The following AMPD3 variants were observed in gnomAD, a reference collection of about 807,000 sequenced individuals.
The protein encoded by AMPD3 is adenosine monophosphate deaminase 3.
A neutral mutation model predicts 82.3 loss-of-function variants in AMPD3; 57 were observed. The observed-to-expected ratio is 0.69, with a 90% CI of 0.56 to 0.86. The LOEUF (loss-of-function observed/expected upper bound fraction) is 0.86. AMPD3 is among the 40% of genes least tolerant of loss of function. The pLI is 0.00. For synonymous variants in AMPD3, 381 were observed against 394.7 expected (o/e 0.97, Z 0.41); for missense variants, 870 against 1,003.8 (o/e 0.87, Z 1.80).
chr11:10,495,668 C>T lies in AMPD3; in HGVS notation c.1365C>T (p.Tyr455=). ...CTGAGGAGTGGCCCAACCTGGCCTA[C>T]TGGTTCATCCAGCACAAGGTCTACT... ...RSPEEWPNLA[Y]WFIQHKVYSP... The change falls in exon 9 of 15, where the codon TAC becomes TAT. Residue 455 remains tyrosine (Y), a synonymous_variant. Coordinates refer to ENST00000396553, the MANE Select transcript of AMPD3 (RefSeq NM_001025389.2). The T allele has an allele frequency of 6.2e-7, 1 of 1,614,158 alleles. No homozygotes were observed. Among genetic ancestry groups the T allele is most frequent in the Non-Finnish European group, 8.5e-7 (1 of 1,180,024 alleles).
chr11:10,487,387 C>T, intron 6 of AMPD3, 23 bp downstream of exon 6: 2 of 1,613,612 alleles, frequency 1.2e-6, no homozygotes, highest in Non-Finnish European at 1.7e-6. Context: ...CGAGTGTTCA[C>T]AGCTGCCTCA....
Position 10,496,911 on chromosome 11 carries a change from T to C in AMPD3, c.1530T>C (p.His510=). 1 of 1,614,076 alleles carries C rather than the reference T, an allele frequency of 6.2e-7. No homozygotes were observed. The highest frequency in any genetic ancestry group is 8.5e-7 in the Non-Finnish European group (1 of 1,179,962). Residue 510 remains histidine (H), a synonymous_variant, in exon 10 of 15, where the codon CAT becomes CAC. Transcript: ENST00000396553. ...LFKATINPQD[H]RELHLFLKYV... ...AGGCCACTATCAACCCCCAAGATCA[T>C]CGAGAGCTTCACCTCTTCCTTAAAT...
chr11:10,499,729 C>G (rs1336697226), intron 10 of AMPD3: 18 of 985,096 alleles, frequency 1.8e-5, no homozygotes, highest in Non-Finnish European at 2.0e-5. Flanking sequence ...ATGGCCACTC[C>G]TCCCTGCAGG....
chr11:10,492,770 T>C (rs1160971549), intron 6 of AMPD3, among the ~76,000 whole-genome samples: 1 of 151,926 alleles, frequency 6.6e-6, no homozygotes, highest in African/African-American at 2.4e-5. Flanking sequence ...GGTTTTGAGG[T>C]TGGGCAAGGG....
At chr11:10,481,537 C>T (rs914473579) in intron 3 of AMPD3, 2 of 981,210 alleles carry the variant, frequency 2.0e-6, no homozygotes, top group African/African-American at 3.5e-5. Flanking sequence ...CAAGACCACT[C>T]CAGGTTGGAT....
chr11:10,454,463 C>G (rs368387370), upstream of AMPD3, among the ~76,000 whole-genome samples: 16 of 152,276 alleles, frequency 1.1e-4, no homozygotes, highest in South Asian at 4.2e-4. Context: ...CTAGGATGGT[C>G]AAATAAGTGC....
At chr11:10,504,438 A>T in intron 13 of AMPD3, 111 bp from the exon 14 acceptor site, 1 of 1,145,806 alleles carries the variant, frequency 8.7e-7, no homozygotes, top group Non-Finnish European at 1.3e-6. Context: ...GGTGCCATTT[A>T]GTGAGGAAAA....
chr11:10,475,921 C>T (rs1398259928), intron 2 of AMPD3, among the ~76,000 whole-genome samples: 1 of 152,172 alleles, frequency 6.6e-6, no homozygotes, highest in Non-Finnish European at 1.5e-5. Context: ...AAGTGAATTC[C>T]TTCCCAGAAA....
At chr11:10,465,827 T>G (rs1177401749) in intron 2 of AMPD3, among the ~76,000 whole-genome samples, 3 of 151,282 alleles carry the variant, frequency 2.0e-5, no homozygotes, top group Admixed American at 6.6e-5. Flanking sequence ...GAGTTTTTTT[T>G]TTTTTTTTTT....
intron 1 of AMPD3, chr11:10,461,167 C>G (rs1042016483): frequency 5.8e-6 from 7 of 1,212,846 alleles, no homozygotes; most frequent in African/African-American, 1.6e-5. Context: ...GAGCTGAACT[C>G]TCTCTTGTCC....
At chr11:10,496,705 G>A (rs1849411975) in intron 9 of AMPD3, 107 bp from the exon 10 acceptor site, 9 of 1,573,688 alleles carry the variant, frequency 5.7e-6, no homozygotes, top group South Asian at 2.2e-5. Context: ...TTGATTCTGG[G>A]TGTTTGATGG....
At position 10,484,154 on chromosome 11, in the gene AMPD3, G is replaced by A. The variant is rs191033414; in HGVS notation, c.590-666G>A. The stretch of plus-strand genomic sequence containing the variant: ...TCTTCAGAGGAGATAGGCTCAGAGA[G>A]GTAAAGGAGTTTGCTGAAAGTCTCA... On this transcript the variant is annotated intron_variant, in intron 4 of 14. Coordinates refer to ENST00000396553, the MANE Select transcript of AMPD3 (RefSeq NM_001025389.2). 7 of 700,382 alleles carry A rather than the reference G, an allele frequency of 1.0e-5. No homozygotes were observed. In the Admixed American group the frequency reaches 2.5e-4, roughly 25 times the overall value. The allele number at this position is 700,382 out of a possible 1,614,324, so 43.4% of individuals were successfully genotyped here.
upstream of AMPD3, among the ~76,000 whole-genome samples, chr11:10,452,642 G>A (rs1168237315): frequency 6.6e-6 from 1 of 152,152 alleles, no homozygotes; most frequent in Non-Finnish European, 1.5e-5. Flanking sequence ...TTGAATAAAA[G>A]GATTCAGTGT....
chr11:10,468,612 G>A (rs1027807238), intron 2 of AMPD3, among the ~76,000 whole-genome samples: 5 of 152,094 alleles, frequency 3.3e-5, no homozygotes, highest in Non-Finnish European at 7.3e-5. Context: ...ACAGATCAAC[G>A]AGACAAAATT....
At chr11:10,497,030 A>G in intron 10 of AMPD3, 92 bp downstream of exon 10, 1 of 1,506,842 alleles carries the variant, frequency 6.6e-7, no homozygotes, top group Non-Finnish European at 9.2e-7. Flanking sequence ...CCTGCCCTTC[A>G]CGATGGTATC....
At chr11:10,485,988 T>A (rs1849056525) in intron 5 of AMPD3, among the ~76,000 whole-genome samples, 1 of 145,258 alleles carries the variant, frequency 6.9e-6, no homozygotes, top group African/African-American at 2.5e-5. Context: ...TTTCTGGGAA[T>A]CTTGTGATGC....
In AMPD3 at chr11:10,495,043, T is replaced by C; in HGVS notation, c.1266+13T>C. ...TCGGATGGTCAAGGTGAGTGAACCC[T>C]CAGTCTCTCTGAGGCCTCTCAGGTG... On this transcript the variant is annotated intron_variant, in intron 8 of 14. Transcript: ENST00000396553. 6.2e-7 allele frequency: 1 copy of C among 1,614,050 alleles called. No homozygotes were observed. Among genetic ancestry groups the C allele is most frequent in the Non-Finnish European group, 8.5e-7 (1 of 1,179,926 alleles).
intron 1 of AMPD3, among the ~76,000 whole-genome samples, chr11:10,457,273 C>T (rs1369280444): frequency 1.3e-5 from 2 of 152,010 alleles, no homozygotes; most frequent in African/African-American, 2.4e-5. Flanking sequence ...CCACTGCACC[C>T]GGTCTTGGAA....
In AMPD3 at chr11:10,482,343, C is replaced by G. The variant is rs997335294; in HGVS notation, c.589+118C>G. The G allele has an allele frequency of 1.0e-5, 12 of 1,179,146 alleles. No individual in the cohort carries two copies. In the Admixed American group the frequency reaches 2.9e-4, roughly 29 times the overall value. 73.0% of individuals were successfully genotyped at this position (1,179,146 alleles called of 1,614,324 possible). On this transcript the variant is annotated intron_variant, in intron 4 of 14. Coordinates refer to ENST00000396553, the MANE Select transcript of AMPD3 (RefSeq NM_001025389.2). ...GTATTTTAAAATGACAATGTTCTTTCATTGGCTTCTCCCACACTGATGTTT... is the reference window on the plus strand; with the variant it reads ...GTATTTTAAAATGACAATGTTCTTTGATTGGCTTCTCCCACACTGATGTTT...
Sources: allele counts gnomAD v4.1 joint callset (sites outside exome capture counted in the v4.1 genomes callset), GRCh38; gene constraint gnomAD v4.1.1; transcripts MANE v1.5; gene names NCBI Gene and HGNC (gene_info 2026-07-23, HGNC 2026-07-21).